The following SLIT3 variants were observed in gnomAD, a reference collection of about 807,000 sequenced individuals.
SLIT3 encodes the protein slit guidance ligand 3.
A neutral mutation model predicts 184.0 loss-of-function variants in SLIT3; 68 were observed. The ratio of observed to expected loss-of-function variants is 0.37; its 90% CI spans 0.30 to 0.45. The LOEUF is 0.45. Among genes scored for constraint, SLIT3 ranks in the 20% least tolerant of loss-of-function variants. SLIT3 has a pLI of 1.00. For missense variants in SLIT3, 1,707 were observed against 2,026.0 expected (o/e 0.84, Z 3.02); for synonymous variants, 831 against 828.6 (o/e 1.00, Z -0.05).
At chr5:169,137,335 C>CACAGAGAGAGAG (rs368371904) in intron 4 of SLIT3, among the ~76,000 whole-genome samples, 25 of 138,660 alleles carry the variant, frequency 1.8e-4, no homozygotes, top group East Asian at 1.1e-3. Flanking sequence ...CACACACACA[C>CACAGAGAGAGAG]AGAGAGAGAG....
intron 1 of SLIT3, among the ~76,000 whole-genome samples, chr5:169,278,575 G>A (rs773292921): frequency 1.3e-5 from 2 of 152,256 alleles, no homozygotes; most frequent in Non-Finnish European, 2.9e-5. Context: ...TTACTGTAAC[G>A]CTCCAGTATT....
intron 4 of SLIT3, among the ~76,000 whole-genome samples, chr5:169,088,395 C>A (rs1044464411): frequency 2.0e-5 from 3 of 148,476 alleles, no homozygotes; most frequent in Non-Finnish European, 4.4e-5. Context: ...TCTTTTTCTT[C>A]GATTTTTTTT....
chr5:169,211,278 T>TG (rs1764256940), intron 3 of SLIT3, among the ~76,000 whole-genome samples: 1 of 152,220 alleles, frequency 6.6e-6, no homozygotes, highest in South Asian at 2.1e-4. Context: ...GAGGAGGGAT[T>TG]GGGGTCTCAT....
chr5:168,871,708 T>C (rs1759528967), intron 5 of SLIT3, among the ~76,000 whole-genome samples: 1 of 152,206 alleles, frequency 6.6e-6, no homozygotes, highest in Non-Finnish European at 1.5e-5. Flanking sequence ...TGTGATAACC[T>C]GGGCCTAGTT....
At chr5:168,692,375 T>C (rs1761933216) in intron 29 of SLIT3, among the ~76,000 whole-genome samples, 1 of 152,138 alleles carries the variant, frequency 6.6e-6, no homozygotes, top group Admixed American at 6.5e-5. Context: ...TGTCTCTTTC[T>C]CTCTCCCTAC....
At chr5:168,822,527 T>C (rs1757565175) in intron 7 of SLIT3, among the ~76,000 whole-genome samples, 1 of 152,112 alleles carries the variant, frequency 6.6e-6, no homozygotes, top group Non-Finnish European at 1.5e-5. Context: ...CTGGAAAGGC[T>C]GATAGAGTCC....
intron 4 of SLIT3, among the ~76,000 whole-genome samples, chr5:169,097,578 A>G (rs62379538): frequency 0.015 from 2,258 of 152,274 alleles, 24 homozygotes; most frequent in Middle Eastern, 0.027. Flanking sequence ...AGAACTGTTA[A>G]AACTATCAAA....
At chr5:168,937,230 A>G (rs1456370726) in intron 4 of SLIT3, among the ~76,000 whole-genome samples, 2 of 152,086 alleles carry the variant, frequency 1.3e-5, no homozygotes, top group African/African-American at 4.8e-5. Context: ...GCTGGGGTCA[A>G]ATCACCCAGG....
intron 1 of SLIT3, among the ~76,000 whole-genome samples, chr5:169,280,210 C>T (rs1766951318): frequency 6.6e-6 from 1 of 152,190 alleles, no homozygotes; most frequent in Non-Finnish European, 1.5e-5. Context: ...ATGGTTCCTT[C>T]CAAAATCCTC....
chr5:168,735,568 T>C (rs1763407785), intron 20 of SLIT3, among the ~76,000 whole-genome samples: 2 of 151,982 alleles, frequency 1.3e-5, no homozygotes, highest in Admixed American at 6.6e-5. Flanking sequence ...AGGATTAAAT[T>C]TGAGTCTCTG....
At chr5:169,102,908 CCT>C (rs1760071646) in intron 4 of SLIT3, among the ~76,000 whole-genome samples, 1 of 152,186 alleles carries the variant, frequency 6.6e-6, no homozygotes, top group African/African-American at 2.4e-5. Flanking sequence ...TCACAAGTCA[CCT>C]CTCTTCTAAA....
At chr5:169,115,210 G>C (rs1353083419) in intron 4 of SLIT3, among the ~76,000 whole-genome samples, 1 of 152,162 alleles carries the variant, frequency 6.6e-6, no homozygotes, top group East Asian at 1.9e-4. Context: ...AGTGGGTAAA[G>C]GGAGGCATAT....
chr5:169,219,108 G>A (rs569677166), intron 3 of SLIT3, among the ~76,000 whole-genome samples: 10 of 152,260 alleles, frequency 6.6e-5, no homozygotes, highest in Admixed American at 4.6e-4. Flanking sequence ...CAGCGCTGCC[G>A]CCTTAGGACA....
intron 3 of SLIT3, among the ~76,000 whole-genome samples, chr5:169,226,629 G>T (rs1199091553): frequency 6.6e-6 from 1 of 152,188 alleles, no homozygotes; most frequent in Non-Finnish European, 1.5e-5. Context: ...ACCAAGCACA[G>T]TGTGAGACAC....
chr5:169,186,597 G>A (rs1022445929), intron 4 of SLIT3, among the ~76,000 whole-genome samples: 1 of 152,176 alleles, frequency 6.6e-6, no homozygotes, highest in African/African-American at 2.4e-5. Context: ...ACCCAGGTCT[G>A]TCTGGTTCCC....
Position 168,844,613 on chromosome 5 carries a change from G to A in SLIT3, c.528C>T (p.Ala176=). The part of the protein sequence containing the change: ...NNHISCIEDG[A]FRALRDLEIL... Reference sequence around the variant, plus strand: ...TCTCCAAATCGCGCAGCGCTCGGAAGGCTCCATCTTCAATGCAGCTGATGT... The same window carrying A: ...TCTCCAAATCGCGCAGCGCTCGGAAAGCTCCATCTTCAATGCAGCTGATGT... The change falls in exon 6 of 36, where the codon GCC becomes GCT. Residue 176 remains alanine, a synonymous_variant. Coordinates refer to ENST00000519560, the MANE Select transcript of SLIT3 (RefSeq NM_003062.4). 1 of 1,614,220 alleles carries A rather than the reference G, an allele frequency of 6.2e-7. No homozygotes were observed. Among genetic ancestry groups the A allele is most frequent in the Non-Finnish European group, 8.5e-7 (1 of 1,180,042 alleles).
chr5:168,722,272 G>A lies in SLIT3; in HGVS notation c.2467C>T (p.Arg823Trp), dbSNP rs199918063. ...GGTACTCACAGCACTCGCAGGGACC[G>A]CAGCCCGTTGAAGGCGTGGACGGGG... Reference protein sequence around the residue: ...CIPVHAFNGLRSLRVLTLHGN... With the variant: ...CIPVHAFNGLWSLRVLTLHGN... The change falls in exon 23 of 36, where the codon CGG (arginine) becomes TGG (tryptophan). Residue 823 changes from arginine (R) to tryptophan (W), a missense_variant. Coordinates refer to ENST00000519560, the MANE Select transcript of SLIT3 (RefSeq NM_003062.4). 1.7e-5 allele frequency: 27 copies of A among 1,614,046 alleles called. No homozygotes were observed. The highest frequency in any genetic ancestry group is 2.1e-5 in the Non-Finnish European group (25 of 1,179,960).
intron 14 of SLIT3, among the ~76,000 whole-genome samples, chr5:168,765,346 G>C (rs928247424): frequency 2.0e-5 from 3 of 152,256 alleles, no homozygotes; most frequent in Admixed American, 6.5e-5. Flanking sequence ...AGATTCGATG[G>C]ACTAATGTGT....
At chr5:168,935,785 A>G (rs1205467636) in intron 4 of SLIT3, among the ~76,000 whole-genome samples, 1 of 152,236 alleles carries the variant, frequency 6.6e-6, no homozygotes, top group Non-Finnish European at 1.5e-5. Context: ...AGGGCTCTGG[A>G]GAAATTCAGA....
Sources: gnomAD v4.1 joint callset for allele counts (sites outside exome capture counted in the v4.1 genomes callset) on GRCh38, gnomAD v4.1.1 for gene constraint, MANE v1.5 for transcripts, NCBI Gene and HGNC (gene_info 2026-07-23, HGNC 2026-07-21) for gene names.